Variants in ADGRE5 observed in about 807,000 individuals in gnomAD.
ADGRE5 encodes the protein adhesion G protein-coupled receptor E5, also known as CD97 molecule.
Under a neutral mutation model 100.3 loss-of-function variants are expected in ADGRE5, and 72 were observed. The observed-to-expected ratio is 0.72, with a 90% CI of 0.59 to 0.87. ADGRE5 has a LOEUF of 0.87. Ranked by LOEUF, ADGRE5 falls within the 40% of genes least tolerant of loss-of-function variation. The pLI, the probability that ADGRE5 is intolerant of heterozygous loss-of-function variation, is 0.00. For missense variants in ADGRE5, 959 were observed against 1,094.7 expected (o/e 0.88, Z 1.75); for synonymous variants, 439 against 447.8 (o/e 0.98, Z 0.25).
chr19:14,390,982 G>A lies in ADGRE5; in HGVS notation c.249G>A (p.Trp83Ter). 1 of 1,614,174 alleles carries A rather than the reference G, an allele frequency of 6.2e-7. No individual in the cohort carries two copies. ...KVSCGKFSDC[W>*]NTEGSYDCVC... ...CATGCGGAAAATTCTCGGACTGCTG[G>A]AACACAGAGGGGAGCTACGACTGCG... The change falls in exon 4 of 20, where the codon TGG becomes TGA. Residue 83 changes from tryptophan (W) to a stop codon, truncating the protein, a stop_gained. Transcript: ENST00000242786. LOFTEE classifies it high-confidence loss of function.
intron 13 of ADGRE5, 28 bp downstream of exon 13, chr19:14,404,590 C>A (rs773778616): frequency 2.1e-5 from 34 of 1,602,816 alleles, no homozygotes; most frequent in Middle Eastern, 3.3e-4. Flanking sequence ...TCCTCAAGTG[C>A]CCACAGGTAA....
chr19:14,405,763 C>G lies in ADGRE5; in HGVS notation c.1645C>G (p.Leu549Val). The change falls in exon 14 of 20, where the codon CTG becomes GTG. Residue 549 changes from leucine (L) to valine (V), a missense_variant. By Grantham distance (32) the Leu-to-Val change is conservative. Coordinates refer to ENST00000242786, the MANE Select transcript of ADGRE5 (RefSeq NM_078481.4). ...CCACTCCTAGGACTGGAAGCTGACC[C>G]TGATCACCAGGGTGGGACTGGCGCT... The part of the protein sequence containing the change: ...HYDVEDWKLT[L>V]ITRVGLALSL... 6.2e-7 allele frequency: 1 copy of G among 1,613,208 alleles called. No individual in the cohort carries two copies. Among genetic ancestry groups the G allele is most frequent in the Non-Finnish European group, 8.5e-7 (1 of 1,179,532 alleles).
chr19:14,383,028 G>C (rs376579261), intron 1 of ADGRE5, among the ~76,000 whole-genome samples: 1 of 151,664 alleles, frequency 6.6e-6, no homozygotes, highest in Non-Finnish European at 1.5e-5. Context: ...GAGCCACCGC[G>C]CCCAGCCAAA....
intron 9 of ADGRE5, among the ~76,000 whole-genome samples, chr19:14,399,953 C>T (rs1219564211): frequency 6.6e-6 from 1 of 152,106 alleles, no homozygotes; most frequent in African/African-American, 2.4e-5. Flanking sequence ...AATCCTCCCT[C>T]CTCAGCCTCC....
chr19:14,389,785 TA>T (rs1251973829), intron 3 of ADGRE5, among the ~76,000 whole-genome samples: 1 of 148,720 alleles, frequency 6.7e-6, no homozygotes, highest in Non-Finnish European at 1.5e-5. Context: ...GAAAGAAAAG[TA>T]GGCCCGGCAT....
At chr19:14,388,328 AACG>A (rs1454791817) in intron 1 of ADGRE5, 119 bp from the exon 2 acceptor site, 84 of 1,527,274 alleles carry the variant, frequency 5.5e-5, no homozygotes, top group Non-Finnish European at 7.4e-5. Flanking sequence ...GCTCACTCTG[AACG>A]ACCGTCAGGA....
At chr19:14,403,289 G>A (rs746481148) in intron 12 of ADGRE5, among the ~76,000 whole-genome samples, 6 of 151,848 alleles carry the variant, frequency 4.0e-5, no homozygotes, top group Non-Finnish European at 5.9e-5. Flanking sequence ...TGATCTGCCC[G>A]CCTTGGCCTC....
intron 12 of ADGRE5, among the ~76,000 whole-genome samples, chr19:14,403,864 CTTTTTTTTTT>C (rs58411522): frequency 6.7e-5 from 5 of 74,298 alleles, no homozygotes; most frequent in East Asian, 3.8e-4. Flanking sequence ...GCCTCTCCCA[CTTTTTTTTTT>C]TTTTTTTTTT....
Position 14,401,617 on chromosome 19 carries a change from TG to T in ADGRE5, c.1076-32del, listed in dbSNP as rs1166322917. The T allele has an allele frequency of 5.0e-6, 8 of 1,602,956 alleles. No homozygotes were observed. The highest frequency in any genetic ancestry group is 6.8e-6 in the Non-Finnish European group (8 of 1,173,072). ...CCAACCCTGGGCCCCACCTGGTACC[TG>T]GGGTCCCTAATCACAACTGCCCCTC... On this transcript the variant is annotated intron_variant, in intron 10 of 19. Transcript: ENST00000242786. This position sits in a 1 kb window ranked among gnomAD's most constrained non-coding sequence, Gnocchi z 4.1.
In ADGRE5 at chr19:14,406,651, C is replaced by G. The variant is rs747115585; in HGVS notation, c.2049-49C>G. ...CACAATGTCCGGCCGCCCTCCGTTC[C>G]GCTCCTGGCTTCCTGGGGCACTGAT... On this transcript the variant is annotated intron_variant, in intron 15 of 19. Coordinates refer to ENST00000242786, the MANE Select transcript of ADGRE5 (RefSeq NM_078481.4). This position sits in a 1 kb window ranked among gnomAD's most constrained non-coding sequence, Gnocchi z 6.0. 3.1e-6 allele frequency: 5 copies of G among 1,608,586 alleles called. No individual in the cohort carries two copies. In the Admixed American group the frequency reaches 6.7e-5, roughly 21 times the overall value.
chr19:14,401,762 T>C lies in ADGRE5; in HGVS notation c.1183+2T>C. On this transcript the variant is annotated splice_donor_variant, in intron 11 of 19. Transcript: ENST00000242786. LOFTEE classifies it high-confidence loss of function. This position sits in a 1 kb window ranked among gnomAD's most constrained non-coding sequence, Gnocchi z 4.1. The stretch of plus-strand genomic sequence containing the variant: ...TGGCAGCTGGAGCCGAGGATCCAGG[T>C]AGCAGCGGTGGTCTGGAGGGGGAGC... The C allele has an allele frequency of 3.2e-6, 5 of 1,543,272 alleles. No individual in the cohort carries two copies. Among genetic ancestry groups the C allele is most frequent in the Non-Finnish European group, 4.4e-6 (5 of 1,144,800 alleles).
chr19:14,407,845 TG>T, intron 18 of ADGRE5, 62 bp from the exon 19 acceptor site: 1 of 1,366,312 alleles, frequency 7.3e-7, no homozygotes, highest in Non-Finnish European at 1.0e-6. Context: ...GGGCAGAGCA[TG>T]GGGAGGAGCG....
intron 12 of ADGRE5, 163 bp from the exon 13 acceptor site, chr19:14,404,220 T>C (rs1976127075): frequency 1.5e-6 from 1 of 647,546 alleles, no homozygotes; most frequent in Non-Finnish European, 2.6e-6. Context: ...GGTAGGTACT[T>C]GTGTGTGCCC....
intron 9 of ADGRE5, among the ~76,000 whole-genome samples, chr19:14,400,140 C>T (rs1391294383): frequency 6.6e-6 from 1 of 152,190 alleles, no homozygotes; most frequent in Non-Finnish European, 1.5e-5. Flanking sequence ...CTGCCTCAGC[C>T]TCCCAAGTAG....
Position 14,397,698 on chromosome 19 carries a change from C to T in ADGRE5, c.666C>T (p.Ser222=), listed in dbSNP as rs1233758507. ...ECSSGQHQCD[S]STVCFNTVGS... is the part of the protein sequence containing the mutation. ...GCTCCGGGCAGCATCAGTGTGACAGCTCCACCGTCTGCTTCAACACCGTGG... is the reference window on the plus strand; with the variant it reads ...GCTCCGGGCAGCATCAGTGTGACAGTTCCACCGTCTGCTTCAACACCGTGG... The change falls in exon 7 of 20, where the codon AGC becomes AGT. Residue 222 remains serine, a synonymous_variant. Coordinates refer to ENST00000242786, the MANE Select transcript of ADGRE5 (RefSeq NM_078481.4). 2 of 1,529,070 alleles carry T rather than the reference C, an allele frequency of 1.3e-6. No homozygotes were observed. The highest frequency in any genetic ancestry group is 1.8e-6 in the Non-Finnish European group (2 of 1,112,528). The allele number at this position is 1,529,070 out of a possible 1,614,324, so 94.7% of individuals were successfully genotyped here.
intron 13 of ADGRE5, 99 bp downstream of exon 13, chr19:14,404,661 G>C: frequency 1.7e-6 from 2 of 1,195,412 alleles, no homozygotes; most frequent in Non-Finnish European, 2.4e-6. Context: ...TGGTTGCTCA[G>C]ATATATCTGC....
In ADGRE5 at chr19:14,408,056, C is replaced by G. The variant is rs780338842; in HGVS notation, c.2479-36C>G. 1.7e-5 allele frequency: 28 copies of G among 1,613,968 alleles called. No individual in the cohort carries two copies. The Admixed American group carries it at 2.0e-4, about 12-fold the overall frequency. On this transcript the variant is annotated intron_variant, in intron 19 of 19. Coordinates refer to ENST00000242786, the MANE Select transcript of ADGRE5 (RefSeq NM_078481.4). ...GGGTGTGGGCAGGAAGGCACCAGGG[C>G]TAGCGGGGCTCAGGCCTCTGGGCTC...
Position 14,407,240 on chromosome 19 carries a change from G to A in ADGRE5, c.2376+11G>A, listed in dbSNP as rs1976296386. The A allele has an allele frequency of 6.2e-7, 1 of 1,613,496 alleles. No individual in the cohort carries two copies. On this transcript the variant is annotated intron_variant, in intron 18 of 19. Transcript: ENST00000242786. ...CTGCTCAACAAGAAGGTGGGGGCCT[G>A]GGCACAGTGGCGCACGCCTGTCATC... is the stretch of plus-strand genomic sequence containing the variant.
rs530532981 is a variant in ADGRE5, at chr19:14,383,461, C to T, written c.22+1916C>T. Reference sequence around the variant, plus strand: ...TGGAGGTTGCAGTGAGCTGAGATCACGCCACTGCACTCCAGCCTGGGTGAC... The same window carrying T: ...TGGAGGTTGCAGTGAGCTGAGATCATGCCACTGCACTCCAGCCTGGGTGAC... On this transcript the variant is annotated intron_variant, in intron 1 of 19. Transcript: ENST00000242786. Among the ~76,000 whole-genome samples, 39 of 151,488 alleles carry T rather than the reference C, an allele frequency of 2.6e-4. 1 individual carries two copies. In the East Asian group the frequency reaches 3.9e-3, roughly 15 times the overall value.
Sources: gnomAD v4.1 joint callset for allele counts (sites outside exome capture counted in the v4.1 genomes callset) on GRCh38, gnomAD v4.1.1 for gene constraint, Gnocchi (gnomAD v3.1) non-coding constraint, MANE v1.5 for transcripts, NCBI Gene and HGNC (gene_info 2026-07-23, HGNC 2026-07-21) for gene names.